CHD5: variants seen among roughly 807,000 people sequenced by gnomAD.
CHD5 encodes the protein ATP-dependent chromatin remodeler CHD5.
CHD5 carries 69 observed loss-of-function variants against 230.3 expected under a neutral mutation model. The observed-to-expected ratio is 0.30, with a 90% confidence interval of 0.25 to 0.37. The LOEUF (loss-of-function observed/expected upper bound fraction) is 0.37. Ranked by LOEUF, CHD5 falls within the 10% of genes least tolerant of loss-of-function variation. The pLI is 1.00. For missense variants in CHD5, 1,827 were observed against 2,622.8 expected (o/e 0.70, Z 6.63); for synonymous variants, 1,064 against 1,065.9 (o/e 1.00, Z 0.03).
rs901655077 is a variant in CHD5, at chr1:6,142,891, T to C, written c.2044-286A>G. Among the ~76,000 whole-genome samples the C allele has an allele frequency of 6.6e-6, 1 of 152,108 alleles. No individual in the cohort carries two copies. The highest frequency in any genetic ancestry group is 1.5e-5 in the Non-Finnish European group (1 of 68,006). ...TGAATTCTCTGACTCTGAGCCCAGG[T>C]TGTCATCACCACCTTGGTCCTGTTC... On this transcript the variant is annotated intron_variant, in intron 13 of 41. Coordinates refer to ENST00000262450, the MANE Select transcript of CHD5 (RefSeq NM_015557.3). The surrounding 1 kb of genome is among the most constrained non-coding windows in gnomAD (Gnocchi z 5.2).
chr1:6,148,557 G>A (rs1163050366), intron 9 of CHD5, among the ~76,000 whole-genome samples: 2 of 152,242 alleles, frequency 1.3e-5, no homozygotes, highest in Non-Finnish European at 2.9e-5. Context: ...AGCCCTTGCA[G>A]AGCACGTGGT....
chr1:6,109,249 A>G (rs934444684), intron 38 of CHD5, among the ~76,000 whole-genome samples: 4 of 152,090 alleles, frequency 2.6e-5, no homozygotes, highest in African/African-American at 9.7e-5. Flanking sequence ...TACACCAGGG[A>G]GGGCTGCAGG....
chr1:6,111,733 G>T (rs1462071277), intron 36 of CHD5, 42 bp downstream of exon 36: 2 of 1,529,434 alleles, frequency 1.3e-6, no homozygotes, highest in Non-Finnish European at 1.8e-6. Flanking sequence ...GTCCACGGAG[G>T]AACGGGCAAG....
Position 6,125,276 on chromosome 1 carries a change from G to A in CHD5, c.4261-43C>T, listed in dbSNP as rs368793303. 1.9e-6 allele frequency: 3 copies of A among 1,549,972 alleles called. No homozygotes were observed. The highest frequency in any genetic ancestry group is 2.6e-6 in the Non-Finnish European group (3 of 1,145,846). Reference sequence around the variant, plus strand: ...GGGAGTATGAGCCCAGGACAGAGAGGGGTGGGGGTGGAGGATTCTGGGATG... The same window carrying A: ...GGGAGTATGAGCCCAGGACAGAGAGAGGTGGGGGTGGAGGATTCTGGGATG... On this transcript the variant is annotated intron_variant, in intron 28 of 41. Coordinates refer to ENST00000262450, the MANE Select transcript of CHD5 (RefSeq NM_015557.3). The surrounding 1 kb of genome is among the most constrained non-coding windows in gnomAD (Gnocchi z 6.7).
At chr1:6,113,075 C>A (rs995916829) in intron 33 of CHD5, 77 bp from the exon 34 acceptor site, 28 of 939,406 alleles carry the variant, frequency 3.0e-5, no homozygotes, top group Non-Finnish European at 3.4e-5. Context: ...TGGCTTTCCA[C>A]CCATGGAACC....
rs764491126 is a variant in CHD5 at position 6,142,656 on chromosome 1, G to C, written c.2044-51C>G. 6.5e-7 allele frequency: 1 copy of C among 1,546,888 alleles called. No individual in the cohort carries two copies. The highest frequency in any genetic ancestry group is 1.2e-5 in the South Asian group (1 of 81,032). On this transcript the variant is annotated intron_variant, in intron 13 of 41. Coordinates refer to ENST00000262450, the MANE Select transcript of CHD5 (RefSeq NM_015557.3). This position sits in a 1 kb window ranked among gnomAD's most constrained non-coding sequence, Gnocchi z 5.2. ...ACGCCCCAGATCCTGGGCCACCAGA[G>C]TCCACACTACAGGCCTTTGCACATG...
At chr1:6,156,885 G>T (rs981434717) in intron 3 of CHD5, among the ~76,000 whole-genome samples, 1 of 152,222 alleles carries the variant, frequency 6.6e-6, no homozygotes, top group Non-Finnish European at 1.5e-5. Context: ...GCTCAGAAAG[G>T]GAGGTGCCGG....
intron 2 of CHD5, among the ~76,000 whole-genome samples, chr1:6,165,124 G>C (rs777618213): frequency 3.3e-4 from 50 of 152,280 alleles, no homozygotes; most frequent in South Asian, 2.1e-3. Context: ...GGAAGGCTCA[G>C]CGTGATCATG....
At position 6,123,990 on chromosome 1, in the gene CHD5, C is replaced by A; in HGVS notation, c.4657G>T (p.Ala1553Ser). 6.2e-7 allele frequency: 1 copy of A among 1,607,076 alleles called. No homozygotes were observed. Among genetic ancestry groups the A allele is most frequent in the Non-Finnish European group, 8.5e-7 (1 of 1,177,968 alleles). The change falls in exon 31 of 42, where the codon GCC (alanine) becomes TCC (serine). Residue 1553 changes from alanine (A) to serine (S), a missense_variant. By Grantham distance (99) the Ala-to-Ser change is moderately conservative. Transcript: ENST00000262450. The stretch of plus-strand genomic sequence containing the variant: ...GCTGGCAGGAGGTGGGCAGGGCTGG[C>A]GGGCACTGGTGTGTTGGGGTCCGAG... ...ISSDPNTPVPASPAHLLPAPL... is the reference protein window; with the variant it reads ...ISSDPNTPVPSSPAHLLPAPL...
chr1:6,145,122 T>TG (rs1354496526), intron 11 of CHD5, among the ~76,000 whole-genome samples: 1 of 150,794 alleles, frequency 6.6e-6, no homozygotes, highest in Non-Finnish European at 1.5e-5. Context: ...AAAAGGGGGG[T>TG]GTCCCATAGT....
Position 6,148,923 on chromosome 1 carries a change from G to A in CHD5, c.1314C>T (p.Tyr438=), listed in dbSNP as rs1666953531. 1 of 1,593,990 alleles carries A rather than the reference G, an allele frequency of 6.3e-7. No homozygotes were observed. Among genetic ancestry groups the A allele is most frequent in the South Asian group, 1.1e-5 (1 of 88,312 alleles). Residue 438 remains tyrosine (Y), a synonymous_variant, in exon 9 of 42, where the codon TAC becomes TAT. Transcript: ENST00000262450. The part of the protein sequence containing the change: ...LLCCDACPSS[Y]HLHCLNPPLP... ...GCGGCGGGTTGAGGCAATGCAGGTG[G>A]TAGGAGGAGGGGCAGGCGTCGCAGC... is the stretch of plus-strand genomic sequence containing the variant.
At chr1:6,152,314 T>C in intron 6 of CHD5, 98 bp downstream of exon 6, 3 of 1,402,222 alleles carry the variant, frequency 2.1e-6, no homozygotes, top group Non-Finnish European at 2.9e-6. Flanking sequence ...CCAGCTAGTT[T>C]GTAATGAACT....
intron 25 of CHD5, among the ~76,000 whole-genome samples, chr1:6,127,836 A>T (rs560887462): frequency 1.3e-5 from 2 of 152,204 alleles, no homozygotes; most frequent in African/African-American, 2.4e-5. Flanking sequence ...CGCCCTGCAG[A>T]GGCCGGAGCA....
intron 7 of CHD5, among the ~76,000 whole-genome samples, chr1:6,150,158 G>A (rs1234789029): frequency 6.7e-6 from 1 of 149,458 alleles, no homozygotes; most frequent in Non-Finnish European, 1.5e-5. Context: ...ACAAATGGAT[G>A]ATGGATGGAC....
At chr1:6,122,547 A>G (rs1197811150) in intron 31 of CHD5, among the ~76,000 whole-genome samples, 1 of 152,216 alleles carries the variant, frequency 6.6e-6, no homozygotes, top group Non-Finnish European at 1.5e-5. Flanking sequence ...GGAATGTAAA[A>G]TGGTACAGCT....
At position 6,121,113 on chromosome 1, in the gene CHD5, A is replaced by T; in HGVS notation, c.4904T>A (p.Leu1635Gln). 6.3e-7 allele frequency: 1 copy of T among 1,599,698 alleles called. No homozygotes were observed. Among genetic ancestry groups the T allele is most frequent in the Non-Finnish European group, 8.5e-7 (1 of 1,174,192 alleles). ...TEKAPPSPEQ[L>Q]PREEVLPEKE... ...CTGCAAGAAGCCCCAACCTCTCGGC[A>T]GCTGCTCCGGGGAGGGCGGGGCCTT... Residue 1635 changes from leucine to glutamine, a missense_variant, in exon 33 of 42, where the codon CTG (leucine) becomes CAG (glutamine). Leu to Gln is a moderately radical substitution (Grantham distance 113). This residue lies in a region of CHD5 where 272 missense variants were observed against 263.2 expected (regional missense o/e 1.03). Coordinates refer to ENST00000262450, the MANE Select transcript of CHD5 (RefSeq NM_015557.3). The surrounding 1 kb of genome is among the most constrained non-coding windows in gnomAD (Gnocchi z 4.5).
At position 6,125,365 on chromosome 1, in the gene CHD5, A is replaced by T; in HGVS notation, c.4261-132T>A. On this transcript the variant is annotated intron_variant, in intron 28 of 41. Coordinates refer to ENST00000262450, the MANE Select transcript of CHD5 (RefSeq NM_015557.3). The surrounding 1 kb of genome is among the most constrained non-coding windows in gnomAD (Gnocchi z 6.7). Reference sequence around the variant, plus strand: ...GGGCACAGAGAAGGCAGGGGCCTCCACCTGGGGCAGGACCCTGACGGCGAA... The same window carrying T: ...GGGCACAGAGAAGGCAGGGGCCTCCTCCTGGGGCAGGACCCTGACGGCGAA... The T allele has an allele frequency of 8.4e-7, 1 of 1,196,516 alleles. No individual in the cohort carries two copies. The highest frequency in any genetic ancestry group is 1.2e-6 in the Non-Finnish European group (1 of 858,802). 74.1% of individuals were successfully genotyped at this position (1,196,516 alleles called of 1,614,324 possible).
intron 33 of CHD5, among the ~76,000 whole-genome samples, chr1:6,116,484 T>A (rs545313652): frequency 6.6e-6 from 1 of 152,210 alleles, no homozygotes; most frequent in East Asian, 1.9e-4. Context: ...AAAAATACCC[T>A]CCATTGTAGT....
intron 33 of CHD5, among the ~76,000 whole-genome samples, chr1:6,115,134 A>G (rs1366186898): frequency 6.6e-6 from 1 of 151,980 alleles, no homozygotes; most frequent in Non-Finnish European, 1.5e-5. Flanking sequence ...AACACAGTGA[A>G]ACCCTGTCTC....
Sources: allele counts gnomAD v4.1 joint callset (sites outside exome capture counted in the v4.1 genomes callset), GRCh38; gene constraint gnomAD v4.1.1; regional missense constraint gnomAD v4.1.1; non-coding constraint Gnocchi (gnomAD v3.1); transcripts MANE v1.5; gene names NCBI Gene and HGNC (gene_info 2026-07-23, HGNC 2026-07-21).